LAMC1: variants seen among roughly 807,000 people sequenced by gnomAD.
LAMC1 encodes the protein laminin subunit gamma-1.
In LAMC1, 38 loss-of-function variants were observed where a neutral mutation model predicts 173.6. The ratio of observed to expected loss-of-function variants is 0.22; its 90% CI spans 0.17 to 0.29. LAMC1 has a LOEUF of 0.29. LAMC1 is among the 10% of genes least tolerant of loss of function. LAMC1 has a pLI of 1.00. For synonymous variants in LAMC1, 746 were observed against 749.1 expected, an observed-to-expected ratio of 1.00 and a Z score of 0.07; for missense variants, 1,824 against 2,051.8, an observed-to-expected ratio of 0.89 and a Z score of 2.14.
chr1:183,117,396 C>T lies in LAMC1; in HGVS notation c.1641C>T (p.Ile547=), dbSNP rs760450007. The stretch of plus-strand genomic sequence containing the variant: ...AGTGGTCCTCTGAGAGGCAAGATAT[C>T]GCCGTGATCTCAGACAGCTACTTTC... ...SLEWSSERQD[I]AVISDSYFPR... Residue 547 remains isoleucine, a synonymous_variant, in exon 9 of 28, where the codon ATC becomes ATT. Transcript: ENST00000258341. 1.5e-5 allele frequency: 24 copies of T among 1,613,840 alleles called. No homozygotes were observed. Among genetic ancestry groups the T allele is most frequent in the Non-Finnish European group, 1.8e-5 (21 of 1,179,744 alleles).
intron 1 of LAMC1, among the ~76,000 whole-genome samples, chr1:183,030,804 G>A (rs954800839): frequency 4.6e-5 from 7 of 152,008 alleles, no homozygotes; most frequent in Non-Finnish European, 1.0e-4. Flanking sequence ...ATGTTAATTT[G>A]TATTTTTTTC....
intron 6 of LAMC1, among the ~76,000 whole-genome samples, chr1:183,116,075 A>G (rs34099011): frequency 0.37 from 56,017 of 149,638 alleles, 11,346 homozygotes; most frequent in Middle Eastern, 0.5. Flanking sequence ...GCTTGCAGTG[A>G]GCCGAGATCG....
intron 1 of LAMC1, among the ~76,000 whole-genome samples, chr1:183,065,326 A>G (rs901862684): frequency 2.6e-5 from 4 of 152,326 alleles, no homozygotes; most frequent in African/African-American, 9.6e-5. Flanking sequence ...TAATTGACTT[A>G]TGTGATTGTA....
chr1:183,122,802 G>T (rs900171403), intron 13 of LAMC1, among the ~76,000 whole-genome samples: 1 of 152,132 alleles, frequency 6.6e-6, no homozygotes, highest in Non-Finnish European at 1.5e-5. Context: ...TCTCTATGGG[G>T]TTCTCTGGAT....
intron 1 of LAMC1, 72 bp downstream of exon 1, chr1:183,024,206 T>G (rs1252602506): frequency 8.4e-6 from 12 of 1,431,648 alleles, no homozygotes; most frequent in Admixed American, 7.3e-5. Flanking sequence ...TCCGTCCCAG[T>G]GGCCGGCCTC....
chr1:183,100,687 T>C (rs564040069), intron 1 of LAMC1, among the ~76,000 whole-genome samples: 9 of 152,342 alleles, frequency 5.9e-5, no homozygotes, highest in African/African-American at 1.4e-4. Context: ...GTACTTCCCC[T>C]GTCATGGAGT....
In LAMC1 at chr1:183,144,276, T is replaced by G. The variant is rs1422390640; in HGVS notation, c.*1486T>G. 2.0e-5 allele frequency: 3 copies of G among 152,558 alleles called. No individual in the cohort carries two copies. The allele number at this position is 152,558 out of a possible 1,614,324, so 9.5% of individuals were successfully genotyped here. A position where few individuals can be genotyped will look rare whatever the true frequency, so the allele number is the denominator to read the frequency against. On this transcript the variant is annotated 3_prime_UTR_variant, in exon 28 of 28. Coordinates refer to ENST00000258341, the MANE Select transcript of LAMC1 (RefSeq NM_002293.4). The stretch of plus-strand genomic sequence containing the variant: ...ACTGGTGCTATTAATTATTTCAAAT[T>G]TATATTTTTGTGTGAATGTTTTGTG...
At position 183,131,428 on chromosome 1, in the gene LAMC1, G is replaced by GGTGT. The variant is rs55951405; in HGVS notation, c.3566+79_3566+82dup. 6.6e-3 allele frequency: 6,261 copies of GGTGT among 951,422 alleles called. 54 individuals carry two copies. The highest frequency in any genetic ancestry group is 0.052 in the African/African-American group (2,976 of 57,264). The allele number at this position is 951,422 out of a possible 1,614,324, so 58.9% of individuals were successfully genotyped here. A position where few individuals can be genotyped will look rare whatever the true frequency, so the allele number is the denominator to read the frequency against. ...GGTTAAGTTGTGGCTTCTGTTATGGGGTGTGTGTGTGTGTGTGTGTGTGTG... is the reference window on the plus strand; with the variant it reads ...GGTTAAGTTGTGGCTTCTGTTATGGGGTGTGTGTGTGTGTGTGTGTGTGTGTGTG... On this transcript the variant is annotated intron_variant, in intron 20 of 27. Coordinates refer to ENST00000258341, the MANE Select transcript of LAMC1 (RefSeq NM_002293.4).
intron 22 of LAMC1, 29 bp downstream of exon 22, chr1:183,133,579 C>T: frequency 2.5e-6 from 4 of 1,581,482 alleles, no homozygotes; most frequent in Non-Finnish European, 3.4e-6. Context: ...CGCACAGCCC[C>T]ACCCCGTCTC....
In LAMC1 at chr1:183,127,267, A is replaced by C. The variant is rs1330690504; in HGVS notation, c.2986A>C (p.Lys996Gln). The C allele has an allele frequency of 6.2e-7, 1 of 1,614,160 alleles. No individual in the cohort carries two copies. Among genetic ancestry groups the C allele is most frequent in the Non-Finnish European group, 8.5e-7 (1 of 1,180,018 alleles). Reference sequence around the variant, plus strand: ...TGAGGGATCTCTTTCACTTCAGTGCAAAGATGATGGTCGCTGTGAATGCAG... The same window carrying C: ...TGAGGGATCTCTTTCACTTCAGTGCCAAGATGATGGTCGCTGTGAATGCAG... The part of the protein sequence containing the change: ...HPEGSLSLQC[K>Q]DDGRCECREG... Residue 996 changes from lysine to glutamine, a missense_variant, in exon 17 of 28, where the codon AAA becomes CAA. By Grantham distance (53) the Lys-to-Gln change is moderately conservative. Coordinates refer to ENST00000258341, the MANE Select transcript of LAMC1 (RefSeq NM_002293.4).
intron 1 of LAMC1, among the ~76,000 whole-genome samples, chr1:183,072,751 T>C (rs951131245): frequency 1.3e-5 from 2 of 152,224 alleles, no homozygotes; most frequent in African/African-American, 4.8e-5. Flanking sequence ...CCTTATGGCC[T>C]GAGCTCTGCC....
intron 1 of LAMC1, among the ~76,000 whole-genome samples, chr1:183,036,987 G>T (rs1176219840): frequency 6.6e-6 from 1 of 151,988 alleles, no homozygotes; most frequent in African/African-American, 2.4e-5. Context: ...TGTTGGTCAG[G>T]CTGGCCTCGA....
intron 1 of LAMC1, among the ~76,000 whole-genome samples, chr1:183,062,645 A>G (rs1422827671): frequency 6.6e-6 from 1 of 151,910 alleles, no homozygotes; most frequent in East Asian, 1.9e-4. Flanking sequence ...ACTCTGTCTA[A>G]AAAAATAAAA....
intron 1 of LAMC1, among the ~76,000 whole-genome samples, chr1:183,055,248 C>T (rs1211185529): frequency 2.0e-5 from 3 of 151,818 alleles, no homozygotes; most frequent in East Asian, 2.0e-4. Flanking sequence ...CCTTGGCCTC[C>T]GGAAGTGCTG....
intron 1 of LAMC1, among the ~76,000 whole-genome samples, chr1:183,026,008 C>T (rs898000351): frequency 2.6e-5 from 4 of 152,156 alleles, no homozygotes; most frequent in Admixed American, 6.5e-5. Flanking sequence ...ATTGCTCCCA[C>T]TGGGAGGCAG....
intron 2 of LAMC1, 139 bp from the exon 3 acceptor site, chr1:183,108,137 G>C (rs1033367125): frequency 7.3e-6 from 5 of 688,702 alleles, no homozygotes; most frequent in Admixed American, 6.1e-5. Context: ...AGAAGTCATT[G>C]AGTATTATAA....
intron 1 of LAMC1, among the ~76,000 whole-genome samples, chr1:183,090,551 G>A (rs1655539992): frequency 6.6e-6 from 1 of 152,212 alleles, no homozygotes; most frequent in Non-Finnish European, 1.5e-5. Flanking sequence ...AGCTGGCAGG[G>A]TACTTGCGTG....
chr1:183,133,511 C>T lies in LAMC1; in HGVS notation c.3810C>T (p.Ser1270=), dbSNP rs762942432. The T allele has an allele frequency of 1.5e-5, 25 of 1,613,618 alleles. No individual in the cohort carries two copies. Among genetic ancestry groups the T allele is most frequent in the African/African-American group, 6.7e-5 (5 of 74,912 alleles). ...ACAAAGCTGTGGAGATCTATGCCAG[C>T]GTGGCTCAGCTGAGCCCTTTGGACT... ...AGDKAVEIYA[S]VAQLSPLDSE... is the part of the protein sequence containing the mutation. The change falls in exon 22 of 28, where the codon AGC becomes AGT. Residue 1270 remains serine (S), a synonymous_variant. Transcript: ENST00000258341.
intron 1 of LAMC1, among the ~76,000 whole-genome samples, chr1:183,026,892 A>AAT (rs1333743896): frequency 1.3e-5 from 2 of 152,232 alleles, no homozygotes; most frequent in Admixed American, 6.5e-5. Context: ...CAGTAAGTGT[A>AAT]ATGACAAGTG....
Sources: allele counts gnomAD v4.1 joint callset (sites outside exome capture counted in the v4.1 genomes callset), GRCh38; gene constraint gnomAD v4.1.1; transcripts MANE v1.5; gene names NCBI Gene and HGNC (gene_info 2026-07-23, HGNC 2026-07-21).